The following ZFP1 variants were observed in gnomAD, a reference collection of about 807,000 sequenced individuals.
ZFP1 encodes ZFP1 zinc finger protein, also known as zinc finger protein 1 homolog.
Under a neutral mutation model 38.5 loss-of-function variants are expected in ZFP1, and 32 were observed. The ratio of observed to expected loss-of-function variants is 0.83; its 90% CI spans 0.63 to 1.12. The LOEUF (loss-of-function observed/expected upper bound fraction) is 1.12, where lower values mean the gene tolerates loss of function less well. ZFP1 is among the 50% of genes most tolerant of loss of function. The probability of loss-of-function intolerance (pLI) is 0.00; values close to 1 mark genes in which losing one functional copy is unlikely to be tolerated. For synonymous variants in ZFP1, 245 were observed against 168.8 expected, an observed-to-expected ratio of 1.45 and a Z score of -3.50; for missense variants, 616 against 480.8, an observed-to-expected ratio of 1.28 and a Z score of -2.63.
chr16:75,171,538 G>C lies in ZFP1; in HGVS notation c.*1204G>C, dbSNP rs1239865234. ...CATGTTTACACTTTTATAAAAATCA[G>C]ATTTTTCAGTGGTCTCTCCAGATAT... is the stretch of plus-strand genomic sequence containing the variant. On this transcript the variant is annotated 3_prime_UTR_variant, in exon 4 of 4. Coordinates refer to ENST00000570010, the MANE Select transcript of ZFP1 (RefSeq NM_153688.4). The C allele has an allele frequency of 1.3e-5, 2 of 152,124 alleles. No homozygotes were observed. Among genetic ancestry groups the C allele is most frequent in the Admixed American group, 1.3e-4 (2 of 15,270 alleles). The allele number at this position is 152,124 out of a possible 1,614,324, so 9.4% of individuals were successfully genotyped here. A position where few individuals can be genotyped will look rare whatever the true frequency, so the allele number is the denominator to read the frequency against.
chr16:75,142,361 C>A, the ZFP1 span, among the ~76,000 whole-genome samples: 3 of 150,772 alleles, frequency 2.0e-5, no homozygotes, highest in African/African-American at 7.3e-5. Flanking sequence ...GCAAGACTTC[C>A]TAAAAAAAAA....
At chr16:75,136,565 T>C in the ZFP1 span, among the ~76,000 whole-genome samples, 1 of 152,158 alleles carries the variant, frequency 6.6e-6, no homozygotes, top group African/African-American at 2.4e-5. Flanking sequence ...GTTAATTACA[T>C]ATAGAACTAT....
chr16:75,122,927 C>G, the ZFP1 span, among the ~76,000 whole-genome samples: 5 of 151,858 alleles, frequency 3.3e-5, no homozygotes, highest in Admixed American at 3.3e-4. Context: ...ATGACAAGCA[C>G]AGTTTTTATA....
At chr16:75,126,992 T>A in the ZFP1 span, among the ~76,000 whole-genome samples, 4 of 152,334 alleles carry the variant, frequency 2.6e-5, no homozygotes, top group East Asian at 7.7e-4. Flanking sequence ...CCCAAAATTA[T>A]GAGAAACTCC....
At chr16:75,164,098 T>C (rs1250498808) in intron 2 of ZFP1, among the ~76,000 whole-genome samples, 4 of 152,258 alleles carry the variant, frequency 2.6e-5, no homozygotes, top group African/African-American at 9.6e-5. Flanking sequence ...TGTTTATTGA[T>C]GTTCCTGTGG....
chr16:75,168,546 A>AG (rs1555524682), intron 3 of ZFP1, among the ~76,000 whole-genome samples: 3 of 19,898 alleles, frequency 1.5e-4, no homozygotes, highest in Non-Finnish European at 3.3e-4. Flanking sequence ...CAACTTCAGT[A>AG]GAAAAAAAAA....
the ZFP1 span, among the ~76,000 whole-genome samples, chr16:75,140,208 C>T: frequency 2.0e-5 from 3 of 151,616 alleles, no homozygotes; most frequent in Non-Finnish European, 4.4e-5. Flanking sequence ...GTAGACGTTG[C>T]GGTGAGCTGA....
intron 2 of ZFP1, among the ~76,000 whole-genome samples, chr16:75,159,188 GC>G (rs1306837453): frequency 6.7e-5 from 10 of 149,514 alleles, no homozygotes; most frequent in Non-Finnish European, 1.2e-4. Flanking sequence ...TGCGCCACAT[GC>G]CTGGCCTCGT....
the ZFP1 span, among the ~76,000 whole-genome samples, chr16:75,142,201 C>CAA: frequency 7.3e-5 from 8 of 109,990 alleles, no homozygotes; most frequent in Admixed American, 2.0e-4. Context: ...ACTAAAAATA[C>CAA]AAAAAAAAAA....
chr16:75,133,709 C>G, the ZFP1 span, among the ~76,000 whole-genome samples: 3 of 152,200 alleles, frequency 2.0e-5, no homozygotes, highest in African/African-American at 7.2e-5. Context: ...TTTGGCAAGA[C>G]TACTTCACAG....
chr16:75,126,724 A>G, the ZFP1 span, among the ~76,000 whole-genome samples: 1 of 152,184 alleles, frequency 6.6e-6, no homozygotes, highest in Non-Finnish European at 1.5e-5. Context: ...TTATTTTGCA[A>G]TGACTTGTAA....
At chr16:75,138,367 A>G in the ZFP1 span, among the ~76,000 whole-genome samples, 25 of 152,110 alleles carry the variant, frequency 1.6e-4, no homozygotes, top group Non-Finnish European at 3.4e-4. Context: ...GACTGTGCAG[A>G]GTGACTTCCT....
At chr16:75,135,943 G>C in the ZFP1 span, among the ~76,000 whole-genome samples, 4 of 152,192 alleles carry the variant, frequency 2.6e-5, no homozygotes, top group African/African-American at 9.7e-5. Context: ...AGCCTCCCGA[G>C]TAACTGGGAT....
At chr16:75,121,381 C>T in the ZFP1 span, among the ~76,000 whole-genome samples, 10 of 151,946 alleles carry the variant, frequency 6.6e-5, no homozygotes, top group Non-Finnish European at 1.3e-4. Flanking sequence ...CACCTCGGCC[C>T]CCCAAAGTGT....
At chr16:75,166,721 T>G (rs2038106967) in intron 2 of ZFP1, 49 bp from the exon 3 acceptor site, 2 of 1,613,566 alleles carry the variant, frequency 1.2e-6, no homozygotes, top group African/African-American at 1.3e-5. Flanking sequence ...CTATCCTTTC[T>G]ATATCACCAA....
chr16:75,140,942 G>C, the ZFP1 span, among the ~76,000 whole-genome samples: 1 of 152,032 alleles, frequency 6.6e-6, no homozygotes, highest in Non-Finnish European at 1.5e-5. Flanking sequence ...CTGGGCGACA[G>C]AGCAAGACTC....
At chr16:75,140,751 A>T in the ZFP1 span, among the ~76,000 whole-genome samples, 1 of 152,200 alleles carries the variant, frequency 6.6e-6, no homozygotes, top group Non-Finnish European at 1.5e-5. Context: ...CGAGGTCAGG[A>T]GATCGAGACC....
At chr16:75,129,218 G>A in the ZFP1 span, among the ~76,000 whole-genome samples, 1 of 152,250 alleles carries the variant, frequency 6.6e-6, no homozygotes, top group African/African-American at 2.4e-5. Context: ...CAGAGGACGT[G>A]AGACTTCACA....
chr16:75,167,006 T>C, intron 3 of ZFP1, 110 bp downstream of exon 3: 1 of 1,514,850 alleles, frequency 6.6e-7, no homozygotes, highest in Non-Finnish European at 8.8e-7. Context: ...GCCTAAGTCC[T>C]CAGGTATTAA....
Sources: allele counts gnomAD v4.1 joint callset (sites outside exome capture counted in the v4.1 genomes callset), GRCh38; gene constraint gnomAD v4.1.1; transcripts MANE v1.5; gene names NCBI Gene and HGNC (gene_info 2026-07-23, HGNC 2026-07-21).